MIS18BP1: variants seen among roughly 807,000 people sequenced by gnomAD.
The protein encoded by MIS18BP1 is mis18-binding protein 1.
Under a neutral mutation model 116.1 loss-of-function variants are expected in MIS18BP1, and 72 were observed. That is an observed-to-expected ratio of 0.62 (90% CI 0.51 to 0.75). MIS18BP1 has a LOEUF of 0.75. Ranked by LOEUF, MIS18BP1 falls within the 30% of genes least tolerant of loss-of-function variation. The pLI, the probability that MIS18BP1 is intolerant of heterozygous loss-of-function variation, is 0.00. For missense variants in MIS18BP1, 1,363 were observed against 1,303.2 expected (o/e 1.05, Z -0.71); for synonymous variants, 386 against 427.0 (o/e 0.90, Z 1.18).
At chr14:45,221,591 GTTTAA>G (rs527495232) in intron 11 of MIS18BP1, among the ~76,000 whole-genome samples, 267 of 152,150 alleles carry the variant, frequency 1.8e-3, no homozygotes, top group Non-Finnish European at 2.8e-3. Flanking sequence ...TTGATTTGTA[GTTTAA>G]TTCAATTATC....
intron 7 of MIS18BP1, chr14:45,232,416 C>CAAAAAAA (rs532665472): frequency 1.0e-4 from 10 of 96,000 alleles, no homozygotes; most frequent in South Asian, 2.2e-4. Context: ...GATTCCATCT[C>CAAAAAAA]AAAAAAAAAA....
intron 14 of MIS18BP1, 33 bp from the exon 15 acceptor site, chr14:45,206,203 A>G (rs771080848): frequency 6.9e-6 from 10 of 1,443,156 alleles, no homozygotes; most frequent in South Asian, 4.9e-5. Context: ...TAAGTCAACA[A>G]TATTTTTAAG....
Position 45,231,213 on chromosome 14 carries a change from C to A in MIS18BP1, c.1522G>T (p.Asp508Tyr), listed in dbSNP as rs891895522. 6.2e-7 allele frequency: 1 copy of A among 1,613,996 alleles called. No homozygotes were observed. The highest frequency in any genetic ancestry group is 8.5e-7 in the Non-Finnish European group (1 of 1,179,926). ...GTATCTGTTTGGTTTTCTCGTGCAT[C>A]ATTTTTCATTGATTTCCTTATGTCA... ...VRDIRKSMKN[D>Y]ARENQTDTAQ... The change falls in exon 8 of 17, where the codon GAT becomes TAT. Residue 508 changes from aspartate to tyrosine, a missense_variant. Asp to Tyr is a radical substitution (Grantham distance 160). Coordinates refer to ENST00000310806, the MANE Select transcript of MIS18BP1 (RefSeq NM_018353.5).
At chr14:45,237,174 G>C (rs1388219554) in intron 5 of MIS18BP1, among the ~76,000 whole-genome samples, 1 of 152,118 alleles carries the variant, frequency 6.6e-6, no homozygotes, top group African/African-American at 2.4e-5. Context: ...CCACTTACCT[G>C]GTGATGCTCT....
chr14:45,252,946 C>T (rs957437273), intron 1 of MIS18BP1, 89 bp downstream of exon 1: 8 of 152,222 alleles, frequency 5.3e-5, no homozygotes, highest in African/African-American at 1.7e-4. Context: ...TAAATAAAAC[C>T]GCGTGAGCCG....
chr14:45,231,920 T>C (rs1891288543), intron 7 of MIS18BP1, among the ~76,000 whole-genome samples: 1 of 152,056 alleles, frequency 6.6e-6, no homozygotes, highest in Admixed American at 6.5e-5. Context: ...CCATAACTAC[T>C]GAGAAAATGA....
In MIS18BP1 at chr14:45,224,442, A is replaced by T; in HGVS notation, c.2145T>A (p.Asp715Glu). The T allele has an allele frequency of 6.2e-7, 1 of 1,613,980 alleles. No homozygotes were observed. The highest frequency in any genetic ancestry group is 1.1e-5 in the South Asian group (1 of 91,068). The change falls in exon 11 of 17, where the codon GAT becomes GAA. Residue 715 changes from aspartate to glutamate, a missense_variant. Coordinates refer to ENST00000310806, the MANE Select transcript of MIS18BP1 (RefSeq NM_018353.5). ...GHKSKNKEDC[D>E]ERDLLTVNRK... is the part of the protein sequence containing the mutation. The stretch of plus-strand genomic sequence containing the variant: ...GGTTGACAGTAAGTAAGTCACGTTC[A>T]TCGCAATCTTCCTTGTTTTTACTTT...
chr14:45,251,836 T>C (rs7141132), intron 1 of MIS18BP1, among the ~76,000 whole-genome samples: 4,129 of 152,328 alleles, frequency 0.027, 108 homozygotes, highest in African/African-American at 0.068. Context: ...TGAGATTTCT[T>C]TTTCATATCA....
intron 12 of MIS18BP1, among the ~76,000 whole-genome samples, chr14:45,217,917 G>T (rs1475014795): frequency 6.6e-6 from 1 of 152,130 alleles, no homozygotes; most frequent in Admixed American, 6.5e-5. Context: ...TCATGAACAG[G>T]AGTATGTAAT....
intron 8 of MIS18BP1, among the ~76,000 whole-genome samples, chr14:45,228,874 T>C (rs1891200263): frequency 6.6e-6 from 1 of 152,180 alleles, no homozygotes; most frequent in Non-Finnish European, 1.5e-5. Flanking sequence ...TAAAATTACA[T>C]TATCTTAAAT....
At position 45,210,457 on chromosome 14, in the gene MIS18BP1, T is replaced by C. The variant is rs1362570849; in HGVS notation, c.3075A>G (p.Pro1025=). The part of the protein sequence containing the change: ...LPNMDKNPTT[P]SSVIFPLVKT... ...TTACCAATGGAAAGATAACTGATGA[T>C]GGAGTTGTTGGATTTTTGTCCATAT... Residue 1025 remains proline, a synonymous_variant, in exon 14 of 17, where the codon CCA becomes CCG. Transcript: ENST00000310806. 3 of 1,614,034 alleles carry C rather than the reference T, an allele frequency of 1.9e-6. No homozygotes were observed. Among genetic ancestry groups the C allele is most frequent in the South Asian group, 1.1e-5 (1 of 91,080 alleles).
At chr14:45,215,220 G>GT (rs1890782845) in intron 13 of MIS18BP1, among the ~76,000 whole-genome samples, 1 of 151,946 alleles carries the variant, frequency 6.6e-6, no homozygotes, top group Non-Finnish European at 1.5e-5. Context: ...TATAATCAGT[G>GT]TAAGCAAAAA....
At chr14:45,239,974 A>G (rs1891531660) in intron 4 of MIS18BP1, among the ~76,000 whole-genome samples, 1 of 152,210 alleles carries the variant, frequency 6.6e-6, no homozygotes, top group Admixed American at 6.5e-5. Context: ...AAGGTATGGT[A>G]AAGAAATCAA....
Position 45,204,518 on chromosome 14 carries a change from C to T in MIS18BP1, c.3241-65G>A, listed in dbSNP as rs1321849568. The T allele has an allele frequency of 8.5e-6, 10 of 1,175,648 alleles. No individual in the cohort carries two copies. In the South Asian group the frequency reaches 9.8e-5, roughly 12 times the overall value. The allele number at this position is 1,175,648 out of a possible 1,614,324, so 72.8% of individuals were successfully genotyped here. On this transcript the variant is annotated intron_variant, in intron 15 of 16. Coordinates refer to ENST00000310806, the MANE Select transcript of MIS18BP1 (RefSeq NM_018353.5). ...TGGTGAAGTCTACCTCAAATCTAGA[C>T]AAAATTAAGCATGCTTATCCCCAGA... is the stretch of plus-strand genomic sequence containing the variant.
At chr14:45,221,392 G>C (rs902737995) in intron 11 of MIS18BP1, among the ~76,000 whole-genome samples, 1 of 152,074 alleles carries the variant, frequency 6.6e-6, no homozygotes, top group Admixed American at 6.5e-5. Flanking sequence ...AGCAGAGATC[G>C]CGCCACTTCA....
intron 13 of MIS18BP1, 78 bp from the exon 14 acceptor site, chr14:45,210,606 CTGA>C (rs1890649042): frequency 6.5e-7 from 1 of 1,546,202 alleles, no homozygotes; most frequent in African/African-American, 1.4e-5. Flanking sequence ...TTTTGGAGGA[CTGA>C]TAAGTTGGTT....
At chr14:45,213,272 C>CA (rs1275741380) in intron 13 of MIS18BP1, among the ~76,000 whole-genome samples, 1 of 152,072 alleles carries the variant, frequency 6.6e-6, no homozygotes, top group Non-Finnish European at 1.5e-5. Context: ...CTGCCAGTAA[C>CA]AGGAGGGATT....
intron 14 of MIS18BP1, among the ~76,000 whole-genome samples, chr14:45,208,094 C>A (rs1378099176): frequency 6.6e-6 from 1 of 152,072 alleles, no homozygotes; most frequent in Admixed American, 6.5e-5. Flanking sequence ...ATGTAGTTTT[C>A]CTAGCTTTTG....
chr14:45,237,517 C>A, intron 5 of MIS18BP1, 131 bp downstream of exon 5: 2 of 1,091,196 alleles, frequency 1.8e-6, no homozygotes, highest in Non-Finnish European at 1.2e-6. Flanking sequence ...AGTAATTTTA[C>A]TTTTTTGCCT....
Sources: gnomAD v4.1 joint callset for allele counts (sites outside exome capture counted in the v4.1 genomes callset) on GRCh38, gnomAD v4.1.1 for gene constraint, MANE v1.5 for transcripts, NCBI Gene and HGNC (gene_info 2026-07-23, HGNC 2026-07-21) for gene names.